The following UPRT variants were observed in gnomAD, a reference collection of about 807,000 sequenced individuals.
UPRT encodes RP11-311P8.3.
In UPRT, 5 loss-of-function variants were observed where a neutral mutation model predicts 22.6. The observed-to-expected ratio is 0.22, with a 90% CI of 0.12 to 0.47. The LOEUF (loss-of-function observed/expected upper bound fraction) is 0.47, where lower values mean the gene tolerates loss of function less well. Among genes scored for constraint, UPRT ranks in the 20% least tolerant of loss-of-function variants. The pLI, the probability that UPRT is intolerant of heterozygous loss-of-function variation, is 0.99. For missense variants in UPRT, 181 were observed against 239.9 expected, an observed-to-expected ratio of 0.75 and a Z score of 1.62; for synonymous variants, 77 against 87.7, an observed-to-expected ratio of 0.88 and a Z score of 0.68.
chrX:75,235,158 A>C (rs898436505), intron 4 of UPRT, among the ~76,000 whole-genome samples: 113 of 110,869 alleles, frequency 1.0e-3, no homozygotes, highest in Admixed American at 2.2e-3. Flanking sequence ...CTATAAACAC[A>C]TCTATGCAAA....
At chrX:75,292,522 T>A (rs1461517821) in intron 1 of UPRT, among the ~76,000 whole-genome samples, 2 of 111,786 alleles carry the variant, frequency 1.8e-5, no homozygotes, top group East Asian at 5.6e-4. Flanking sequence ...CTCAGGGAAA[T>A]CAAATGCAAC....
chrX:75,191,746 G>A (rs1008568593), intron 4 of UPRT, among the ~76,000 whole-genome samples: 1 of 112,269 alleles, frequency 8.9e-6, no homozygotes, highest in Non-Finnish European at 1.9e-5. Flanking sequence ...CTCCATGGAC[G>A]TGGGACCCTC....
chrX:75,207,636 A>G (rs975061258), intron 4 of UPRT, among the ~76,000 whole-genome samples: 6 of 111,588 alleles, frequency 5.4e-5, no homozygotes, highest in African/African-American at 1.6e-4. Flanking sequence ...GATGGGAGGT[A>G]TAGAAGAGAT....
At chrX:75,264,736 C>T (rs949365299) in intron 4 of UPRT, among the ~76,000 whole-genome samples, 9 of 111,357 alleles carry the variant, frequency 8.1e-5, no homozygotes, top group Non-Finnish European at 1.3e-4. Flanking sequence ...GTCATTATGA[C>T]GTTAGCTGGT....
intron 4 of UPRT, among the ~76,000 whole-genome samples, chrX:75,253,166 A>G (rs1172579316): frequency 9.0e-6 from 1 of 111,707 alleles, no homozygotes; most frequent in East Asian, 2.8e-4. Flanking sequence ...CGTTGTGCAC[A>G]TGTACCCTAA....
upstream of UPRT, among the ~76,000 whole-genome samples, chrX:75,269,576 A>G (rs916128918): frequency 8.9e-6 from 1 of 111,845 alleles, no homozygotes; most frequent in Non-Finnish European, 1.9e-5. Flanking sequence ...AATGGAACAG[A>G]ACAGAGGCCT....
At chrX:75,207,520 G>A (rs779920575) in intron 4 of UPRT, among the ~76,000 whole-genome samples, 1 of 111,819 alleles carries the variant, frequency 8.9e-6, no homozygotes, top group East Asian at 2.8e-4. Context: ...GCTCAGAGCT[G>A]GAAGTGTTTA....
At chrX:75,194,384 A>G (rs1254711363) in intron 4 of UPRT, among the ~76,000 whole-genome samples, 4 of 111,145 alleles carry the variant, frequency 3.6e-5, no homozygotes, top group Non-Finnish European at 7.5e-5. Context: ...CTGATGGGTG[A>G]TGTCAGCCAG....
intron 4 of UPRT, among the ~76,000 whole-genome samples, chrX:75,188,441 A>T (rs770111789): frequency 8.9e-6 from 1 of 112,117 alleles, no homozygotes; most frequent in East Asian, 2.8e-4. Flanking sequence ...TCAGACAGGG[A>T]CATTTAAGTC....
chrX:75,276,044 G>A (rs2082629918), intron 1 of UPRT, among the ~76,000 whole-genome samples: 1 of 111,625 alleles, frequency 9.0e-6, no homozygotes, highest in Non-Finnish European at 1.9e-5. Context: ...CTTCTTCATA[G>A]TTCCTAGGAA....
intron 4 of UPRT, among the ~76,000 whole-genome samples, chrX:75,245,338 G>A (rs772048021): frequency 1.8e-5 from 2 of 110,578 alleles, no homozygotes; most frequent in Non-Finnish European, 3.8e-5. Flanking sequence ...AACACACTGC[G>A]GGTGGAAATG....
intron 2 of UPRT, among the ~76,000 whole-genome samples, 156 bp downstream of exon 2, chrX:75,293,670 T>C (rs1209456681): frequency 9.0e-6 from 1 of 111,384 alleles, no homozygotes; most frequent in Non-Finnish European, 1.9e-5. Flanking sequence ...TGTTTCACTG[T>C]TGCATTAAAG....
chrX:75,218,332 A>T (rs1336638808), intron 4 of UPRT, among the ~76,000 whole-genome samples: 2 of 110,493 alleles, frequency 1.8e-5, no homozygotes, highest in African/African-American at 6.6e-5. Context: ...TCAAAACCAC[A>T]ATGAGATACC....
intron 4 of UPRT, among the ~76,000 whole-genome samples, chrX:75,264,032 G>A (rs1602480769): frequency 8.9e-6 from 1 of 111,786 alleles, no homozygotes; most frequent in East Asian, 2.8e-4. Context: ...TCAGTTTTGA[G>A]TGAGTTTCTT....
intron 4 of UPRT, among the ~76,000 whole-genome samples, chrX:75,181,972 G>T (rs1243487650): frequency 3.6e-5 from 4 of 111,968 alleles, no homozygotes; most frequent in African/African-American, 1.3e-4. Flanking sequence ...GTATGATGCT[G>T]CCAGTGGGTT....
upstream of UPRT, among the ~76,000 whole-genome samples, chrX:75,269,792 C>A (rs2082602323): frequency 9.0e-6 from 1 of 111,648 alleles, no homozygotes; most frequent in African/African-American, 3.3e-5. Context: ...GACCTAAAAT[C>A]ATAAAAACCC....
intron 1 of UPRT, among the ~76,000 whole-genome samples, chrX:75,284,925 C>A (rs1416919174): frequency 1.8e-5 from 2 of 110,638 alleles, no homozygotes; most frequent in Non-Finnish European, 3.8e-5. Context: ...TAGGTGGGGG[C>A]AGGGCTAGGT....
chrX:75,248,813 G>A (rs1313647376), intron 4 of UPRT, among the ~76,000 whole-genome samples: 1 of 111,839 alleles, frequency 8.9e-6, no homozygotes, highest in Non-Finnish European at 1.9e-5. Flanking sequence ...CAGAGAGAAA[G>A]GTCGGGTTAT....
chrX:75,191,304 C>T (rs1194400826), intron 4 of UPRT, among the ~76,000 whole-genome samples: 2 of 112,336 alleles, frequency 1.8e-5, no homozygotes, highest in Non-Finnish European at 3.8e-5. Flanking sequence ...TATTGCTGAA[C>T]AGCAAATGTT....
Sources: gnomAD v4.1 joint callset for allele counts (sites outside exome capture counted in the v4.1 genomes callset) on GRCh38, gnomAD v4.1.1 for gene constraint, MANE v1.5 for transcripts, NCBI Gene and HGNC (gene_info 2026-07-23, HGNC 2026-07-21) for gene names.